Variants in OSBPL8 observed in about 807,000 individuals in gnomAD.
OSBPL8 encodes oxysterol binding protein like 8, also known as oxysterol-binding protein-related protein 8.
In OSBPL8, 59 loss-of-function variants were observed where a neutral mutation model predicts 125.5. That is an observed-to-expected ratio of 0.47 (90% CI 0.38 to 0.58). The LOEUF (loss-of-function observed/expected upper bound fraction) is 0.58, where lower values mean the gene tolerates loss of function less well. Ranked by LOEUF, OSBPL8 falls within the 20% of genes least tolerant of loss-of-function variation. The probability of loss-of-function intolerance (pLI) is 0.00; values close to 1 mark genes in which losing one functional copy is unlikely to be tolerated. For missense variants in OSBPL8, 758 were observed against 1,047.8 expected (o/e 0.72, Z 3.82); for synonymous variants, 330 against 338.9 (o/e 0.97, Z 0.29).
At chr12:76,512,999 G>A (rs1881158067) in intron 1 of OSBPL8, among the ~76,000 whole-genome samples, 1 of 152,194 alleles carries the variant, frequency 6.6e-6, no homozygotes, top group South Asian at 2.1e-4. Context: ...TGGTGTATAG[G>A]AATGCCACTG....
chr12:76,371,649 GT>G, intron 18 of OSBPL8, 65 bp from the exon 19 acceptor site: 1 of 1,264,002 alleles, frequency 7.9e-7, no homozygotes, highest in South Asian at 2.4e-5. Flanking sequence ...ATATAGTATA[GT>G]AATATGACGG....
At chr12:76,554,415 A>G (rs899284451) in intron 1 of OSBPL8, among the ~76,000 whole-genome samples, 1 of 152,364 alleles carries the variant, frequency 6.6e-6, no homozygotes, top group East Asian at 1.9e-4. Flanking sequence ...GATAGGCTCC[A>G]AAGTCAAAGG....
At chr12:76,456,980 G>A (rs1174214986) in intron 3 of OSBPL8, among the ~76,000 whole-genome samples, 1 of 152,112 alleles carries the variant, frequency 6.6e-6, no homozygotes, top group Non-Finnish European at 1.5e-5. Flanking sequence ...TGCTTCTTGG[G>A]AGCAACCGAA....
At chr12:76,496,786 C>T (rs1389759911) in intron 1 of OSBPL8, among the ~76,000 whole-genome samples, 2 of 152,160 alleles carry the variant, frequency 1.3e-5, no homozygotes, top group Non-Finnish European at 2.9e-5. Flanking sequence ...AGGTGATCCA[C>T]CCGCCTCAAC....
chr12:76,454,845 A>C (rs1377695458), intron 3 of OSBPL8, among the ~76,000 whole-genome samples: 1 of 151,792 alleles, frequency 6.6e-6, no homozygotes, highest in African/African-American at 2.4e-5. Flanking sequence ...TACATGAGTA[A>C]AAAACAATAA....
At chr12:76,446,412 CAA>C (rs1872725726) in intron 4 of OSBPL8, among the ~76,000 whole-genome samples, 1 of 152,064 alleles carries the variant, frequency 6.6e-6, no homozygotes, top group African/African-American at 2.4e-5. Flanking sequence ...TTTTGCTTTA[CAA>C]AAAGCCAATG....
At chr12:76,388,176 A>T (rs1003219376) in intron 12 of OSBPL8, among the ~76,000 whole-genome samples, 1 of 152,190 alleles carries the variant, frequency 6.6e-6, no homozygotes, top group African/African-American at 2.4e-5. Context: ...CACTGGAGTT[A>T]TATCTAATGT....
At position 76,384,360 on chromosome 12, in the gene OSBPL8, A is replaced by G. The variant is rs773303161; in HGVS notation, c.1534-10T>C. The G allele has an allele frequency of 2.2e-5, 31 of 1,410,122 alleles. No homozygotes were observed. In the Admixed American group the frequency reaches 4.2e-4, roughly 19 times the overall value. 87.4% of individuals were successfully genotyped at this position (1,410,122 alleles called of 1,614,324 possible). A position where few individuals can be genotyped will look rare whatever the true frequency, so the allele number is the denominator to read the frequency against. Reference sequence around the variant, plus strand: ...GTGGATGATGGGACACCTATTAAACATAAGAAAAACATGCATATATAAAAT... The same window carrying G: ...GTGGATGATGGGACACCTATTAAACGTAAGAAAAACATGCATATATAAAAT... On this transcript the variant is annotated splice_polypyrimidine_tract_variant and intron_variant, in intron 14 of 23. Coordinates refer to ENST00000261183, the MANE Select transcript of OSBPL8 (RefSeq NM_020841.5).
rs910268753 is a variant in OSBPL8 at position 76,389,604 on chromosome 12, C to A, written c.1352+41G>T. On this transcript the variant is annotated intron_variant, in intron 12 of 23. Transcript: ENST00000261183. ...TAGCATTCTTGAGAATTTCTAAAAT[C>A]ATGAAGTATTGTCTATTTTAAGAAA... 7 of 1,393,336 alleles carry A rather than the reference C, an allele frequency of 5.0e-6. No homozygotes were observed. The Admixed American group carries it at 1.2e-4, about 24-fold the overall frequency. 86.3% of individuals were successfully genotyped at this position (1,393,336 alleles called of 1,614,324 possible). A position where few individuals can be genotyped will look rare whatever the true frequency, so the allele number is the denominator to read the frequency against.
rs189731916 is a variant in OSBPL8 at position 76,559,218 on chromosome 12, C to T, written c.-68+179G>A. ...CTACTGTGGGCCCCTAAACACTCCACCCTGCCAGCCTTTCCAATCCCCCTA... is the reference window on the plus strand; with the variant it reads ...CTACTGTGGGCCCCTAAACACTCCATCCTGCCAGCCTTTCCAATCCCCCTA... On this transcript the variant is annotated intron_variant, in intron 1 of 23. Coordinates refer to ENST00000261183, the MANE Select transcript of OSBPL8 (RefSeq NM_020841.5). Among the ~76,000 whole-genome samples, 4 of 152,320 alleles carry T rather than the reference C, an allele frequency of 2.6e-5. No homozygotes were observed. In the East Asian group the frequency reaches 7.7e-4, roughly 29 times the overall value.
chr12:76,531,953 C>T (rs544360506), intron 1 of OSBPL8, among the ~76,000 whole-genome samples: 1 of 146,146 alleles, frequency 6.8e-6, no homozygotes, highest in African/African-American at 2.5e-5. Flanking sequence ...AGGAGAATGG[C>T]GTGAACCCAG....
intron 15 of OSBPL8, among the ~76,000 whole-genome samples, chr12:76,383,906 G>A (rs1159609087): frequency 2.6e-5 from 4 of 152,076 alleles, no homozygotes; most frequent in Admixed American, 2.6e-4. Flanking sequence ...CTTCCTCTCT[G>A]TTCAAAGACT....
intron 3 of OSBPL8, among the ~76,000 whole-genome samples, chr12:76,455,436 T>C (rs1873920590): frequency 6.6e-6 from 1 of 152,218 alleles, no homozygotes; most frequent in African/African-American, 2.4e-5. Flanking sequence ...AGAATTAATG[T>C]AGGTTTTAGC....
intron 1 of OSBPL8, among the ~76,000 whole-genome samples, chr12:76,535,658 GA>G (rs1286082730): frequency 6.6e-6 from 1 of 152,188 alleles, no homozygotes; most frequent in Non-Finnish European, 1.5e-5. Context: ...AAGGTGAATG[GA>G]TAAACAAATT....
At chr12:76,493,655 T>A (rs1878974237) in intron 1 of OSBPL8, among the ~76,000 whole-genome samples, 1 of 152,162 alleles carries the variant, frequency 6.6e-6, no homozygotes, top group Non-Finnish European at 1.5e-5. Flanking sequence ...CTTTTAAAAT[T>A]CTCTTTGACT....
chr12:76,356,039 A>G lies in OSBPL8; in HGVS notation c.2538-18T>C, dbSNP rs1708335149. 6.3e-7 allele frequency: 1 copy of G among 1,599,664 alleles called. No homozygotes were observed. The highest frequency in any genetic ancestry group is 1.1e-5 in the South Asian group (1 of 88,790). On this transcript the variant is annotated intron_variant, in intron 23 of 23. Transcript: ENST00000261183. Reference sequence around the variant, plus strand: ...TAATATTTCTATAAAAATAAGCAACAACAAATTTTGTAATGATTTGCCAGA... The same window carrying G: ...TAATATTTCTATAAAAATAAGCAACGACAAATTTTGTAATGATTTGCCAGA...
intron 7 of OSBPL8, 55 bp from the exon 8 acceptor site, chr12:76,397,952 C>G (rs532476832): frequency 7.0e-7 from 1 of 1,434,550 alleles, no homozygotes; most frequent in Non-Finnish European, 9.7e-7. Flanking sequence ...AAGGTCCAAA[C>G]GAAAATACTG....
intron 1 of OSBPL8, chr12:76,537,063 T>G (rs1950519653): frequency 1.3e-5 from 2 of 152,472 alleles, no homozygotes; most frequent in South Asian, 4.1e-4. Flanking sequence ...AAAAAAAAAT[T>G]ATAATTATTA....
At chr12:76,391,377 G>T (rs1953548971) in intron 10 of OSBPL8, among the ~76,000 whole-genome samples, 1 of 152,080 alleles carries the variant, frequency 6.6e-6, no homozygotes, top group Admixed American at 6.6e-5. Context: ...TTGGAAAGAG[G>T]TTCCAACAAA....
Sources: allele counts gnomAD v4.1 joint callset (sites outside exome capture counted in the v4.1 genomes callset), GRCh38; gene constraint gnomAD v4.1.1; transcripts MANE v1.5; gene names NCBI Gene and HGNC (gene_info 2026-07-23, HGNC 2026-07-21).